Variants in ARHGAP21 observed in about 807,000 individuals in gnomAD.
ARHGAP21 encodes the protein rho GTPase-activating protein 21.
ARHGAP21 carries 38 observed loss-of-function variants against 164.6 expected under a neutral mutation model. The observed-to-expected ratio is 0.23, with a 90% CI of 0.18 to 0.30. The LOEUF is 0.30. ARHGAP21 is among the 10% of genes least tolerant of loss of function. The pLI is 1.00. For missense variants in ARHGAP21, 1,822 were observed against 2,370.7 expected, an observed-to-expected ratio of 0.77 and a Z score of 4.81; for synonymous variants, 766 against 857.9, an observed-to-expected ratio of 0.89 and a Z score of 1.87.
At chr10:24,720,694 T>C (rs1200275121) in intron 2 of ARHGAP21, among the ~76,000 whole-genome samples, 1 of 152,216 alleles carries the variant, frequency 6.6e-6, no homozygotes. Flanking sequence ...TTCTGATTCA[T>C]TTTTATTAAA....
intron 24 of ARHGAP21, chr10:24,590,179 A>G: frequency 7.1e-7 from 1 of 1,412,912 alleles, no homozygotes. Context: ...TAAATGCTTT[A>G]TGACTTTAAG....
chr10:24,717,026 A>G (rs577281799), intron 2 of ARHGAP21, among the ~76,000 whole-genome samples: 1 of 152,360 alleles, frequency 6.6e-6, no homozygotes, highest in East Asian at 1.9e-4. Flanking sequence ...CAGGTCAGCA[A>G]TAGAGATATA....
chr10:24,707,035 G>A (rs1426978631), intron 2 of ARHGAP21, among the ~76,000 whole-genome samples: 1 of 152,132 alleles, frequency 6.6e-6, no homozygotes, highest in African/African-American at 2.4e-5. Context: ...GGGTACCAAA[G>A]GGTACTCCGT....
At chr10:24,707,094 A>G (rs1844312534) in intron 2 of ARHGAP21, among the ~76,000 whole-genome samples, 1 of 152,104 alleles carries the variant, frequency 6.6e-6, no homozygotes, top group South Asian at 2.1e-4. Context: ...AACTCCTTCA[A>G]TGGCTCTCAT....
chr10:24,601,934 G>T (rs759602443), intron 13 of ARHGAP21, 44 bp downstream of exon 13: 15 of 1,469,476 alleles, frequency 1.0e-5, no homozygotes, highest in Middle Eastern at 5.0e-4. Flanking sequence ...TATTTGTCAG[G>T]GTCTGCATTT....
rs566568601 is a variant in ARHGAP21, at chr10:24,587,487, A to T, written c.4183-1381T>A. On this transcript the variant is annotated intron_variant, in intron 25 of 25. Coordinates refer to ENST00000396432, the MANE Select transcript of ARHGAP21 (RefSeq NM_020824.4). Reference sequence around the variant, plus strand: ...GTAAAAATTTAGGCTGTTCTATCAAAGAATTTAGGCTGTTCTATCAAAAAT... The same window carrying T: ...GTAAAAATTTAGGCTGTTCTATCAATGAATTTAGGCTGTTCTATCAAAAAT... 2.0e-5 allele frequency among the ~76,000 whole-genome samples: 3 copies of T among 152,320 alleles called. No individual in the cohort carries two copies. In the East Asian group the frequency reaches 5.8e-4, roughly 29 times the overall value.
intron 13 of ARHGAP21, 47 bp downstream of exon 13, chr10:24,601,931 C>A: frequency 6.9e-7 from 1 of 1,452,426 alleles, no homozygotes; most frequent in South Asian, 1.6e-5. Context: ...GTTTATTTGT[C>A]AGGGTCTGCA....
At chr10:24,596,242 T>G in intron 17 of ARHGAP21, 199 bp from the exon 18 acceptor site, 1 of 477,474 alleles carries the variant, frequency 2.1e-6, no homozygotes, top group Non-Finnish European at 3.6e-6. Flanking sequence ...ACAAAGAGAC[T>G]GAAAGAAAGA....
intron 2 of ARHGAP21, 151 bp downstream of exon 2, chr10:24,721,686 C>T: frequency 1.3e-6 from 1 of 780,824 alleles, no homozygotes; most frequent in Non-Finnish European, 2.1e-6. Context: ...GGCTTCTCCT[C>T]GCTACTGGTT....
At chr10:24,629,924 C>T (rs762669154) in intron 7 of ARHGAP21, 72 bp downstream of exon 7, 3 of 1,056,488 alleles carry the variant, frequency 2.8e-6, no homozygotes, top group Non-Finnish European at 4.3e-6. Context: ...ATCTTTAATA[C>T]TTCCATCTCA....
At position 24,585,095 on chromosome 10, in the gene ARHGAP21, T is replaced by C; in HGVS notation, c.5194A>G (p.Lys1732Glu). The C allele has an allele frequency of 2.5e-6, 4 of 1,613,794 alleles. No individual in the cohort carries two copies. The highest frequency in any genetic ancestry group is 3.4e-6 in the Non-Finnish European group (4 of 1,179,844). ...CCTTTTTTCATAACATCAAACACTT[T>C]AGTTAACGAAGGTGCTTCTTTCTCA... is the stretch of plus-strand genomic sequence containing the variant. ...KNEKEAPSLT[K>E]VFDVMKKGKS... is the part of the protein sequence containing the mutation. Residue 1732 changes from lysine (K) to glutamate (E), a missense_variant, in exon 26 of 26, where the codon AAA becomes GAA. Lys to Glu is a moderately conservative substitution (Grantham distance 56). This residue lies in a region of ARHGAP21 where 117 missense variants were observed against 193.2 expected (regional missense o/e 0.61). Transcript: ENST00000396432.
intron 11 of ARHGAP21, 78 bp from the exon 12 acceptor site, chr10:24,604,426 A>T: frequency 1.1e-6 from 1 of 947,810 alleles, no homozygotes; most frequent in Non-Finnish European, 1.6e-6. Context: ...TTTGAATATT[A>T]CAATTACTCT....
intron 4 of ARHGAP21, among the ~76,000 whole-genome samples, chr10:24,640,892 T>C (rs1836943030): frequency 6.6e-6 from 1 of 152,068 alleles, no homozygotes; most frequent in African/African-American, 2.4e-5. Flanking sequence ...AGGCTAGTAA[T>C]TACCTCTGGA....
In ARHGAP21 at chr10:24,636,334, T is replaced by A. The variant is rs577784186; in HGVS notation, c.269-1231A>T. On this transcript the variant is annotated intron_variant, in intron 4 of 25. Transcript: ENST00000396432. ...GGTCCCAGGACCAGCAGCATCAGTA[T>A]CACCTGGGAATATGTTAGGAATGCA... 3.9e-5 allele frequency among the ~76,000 whole-genome samples: 6 copies of A among 152,268 alleles called. No individual in the cohort carries two copies. In the South Asian group the frequency reaches 1.2e-3, roughly 32 times the overall value.
intron 2 of ARHGAP21, among the ~76,000 whole-genome samples, chr10:24,716,600 G>A (rs1356925063): frequency 6.6e-6 from 1 of 152,250 alleles, no homozygotes; most frequent in Non-Finnish European, 1.5e-5. Context: ...GGGCTTTGCA[G>A]GTCACTGCAA....
At chr10:24,646,686 G>C (rs1350191007) in intron 4 of ARHGAP21, among the ~76,000 whole-genome samples, 1 of 152,110 alleles carries the variant, frequency 6.6e-6, no homozygotes, top group Non-Finnish European at 1.5e-5. Flanking sequence ...AAGGTGGGAG[G>C]ATCACTTGAG....
chr10:24,689,247 A>T (rs187320638), intron 2 of ARHGAP21, among the ~76,000 whole-genome samples: 1 of 152,322 alleles, frequency 6.6e-6, no homozygotes, highest in Admixed American at 6.5e-5. Flanking sequence ...TAACAATCTG[A>T]AGATAATAGC....
intron 14 of ARHGAP21, among the ~76,000 whole-genome samples, chr10:24,599,929 A>G (rs1398977798): frequency 6.6e-6 from 1 of 151,970 alleles, no homozygotes. Flanking sequence ...GTCAGGAGAT[A>G]GAGACCATCC....
intron 4 of ARHGAP21, among the ~76,000 whole-genome samples, chr10:24,636,467 AAAG>A (rs1836393581): frequency 6.6e-6 from 1 of 152,238 alleles, no homozygotes; most frequent in Non-Finnish European, 1.5e-5. Flanking sequence ...CCTGACCCTT[AAAG>A]AAGAATGTAA....
Sources: gnomAD v4.1 joint callset for allele counts (sites outside exome capture counted in the v4.1 genomes callset) on GRCh38, gnomAD v4.1.1 for gene constraint, gnomAD v4.1.1 regional missense constraint, MANE v1.5 for transcripts, NCBI Gene and HGNC (gene_info 2026-07-23, HGNC 2026-07-21) for gene names.